MMEL1: variants seen among roughly 807,000 people sequenced by gnomAD.
The protein encoded by MMEL1 is membrane metalloendopeptidase like 1.
A neutral mutation model predicts 117.1 loss-of-function variants in MMEL1; 98 were observed. The observed-to-expected ratio is 0.84, with a 90% CI of 0.71 to 0.99. The LOEUF (loss-of-function observed/expected upper bound fraction) is 0.99. Among genes scored for constraint, MMEL1 ranks in the 50% least tolerant of loss-of-function variants. The pLI is 0.00. For missense variants in MMEL1, 1,014 were observed against 1,049.1 expected (o/e 0.97, Z 0.46); for synonymous variants, 390 against 415.1 (o/e 0.94, Z 0.74).
Position 2,594,791 on chromosome 1 carries a change from G to A in MMEL1, c.1687C>T (p.Leu563Phe). Residue 563 changes from leucine (L) to phenylalanine (F), a missense_variant and splice_region_variant, in exon 17 of 24, where the codon CTC (leucine) becomes TTC (phenylalanine). Leu to Phe is a conservative substitution (Grantham distance 22, BLOSUM62 0). Coordinates refer to ENST00000378412, the MANE Select transcript of MMEL1 (RefSeq NM_033467.4). Reference sequence around the variant, plus strand: ...TGCCGCACCAGCGATGCCACTCACAGATTTGGGTCCACCTTTTCCCGAAGC... The same window carrying A: ...TGCCGCACCAGCGATGCCACTCACAAATTTGGGTCCACCTTTTCCCGAAGC... ...RKLREKVDPNLWIIGAAVVNA... is the reference protein window; with the variant it reads ...RKLREKVDPNFWIIGAAVVNA... 6.2e-7 allele frequency: 1 copy of A among 1,612,908 alleles called. No homozygotes were observed. Among genetic ancestry groups the A allele is most frequent in the Non-Finnish European group, 8.5e-7 (1 of 1,179,256 alleles).
chr1:2,617,771 A>G (rs1255871115), intron 2 of MMEL1, among the ~76,000 whole-genome samples: 1 of 152,158 alleles, frequency 6.6e-6, no homozygotes, highest in African/African-American at 2.4e-5. Flanking sequence ...AAGCAAAAAC[A>G]GTGAGACCCT....
Position 2,604,135 on chromosome 1 carries a change from C to CCCCCCCCAAAAAATG in MMEL1, c.951+11_951+12insCATTTTTTGGGGGGG. The CCCCCCCCAAAAAATG allele has an allele frequency of 6.6e-7, 1 of 1,520,160 alleles. No homozygotes were observed. The highest frequency in any genetic ancestry group is 9.1e-7 in the Non-Finnish European group (1 of 1,100,352). The allele number at this position is 1,520,160 out of a possible 1,614,324, so 94.2% of individuals were successfully genotyped here. A position where few individuals can be genotyped will look rare whatever the true frequency, so the allele number is the denominator to read the frequency against. On this transcript the variant is annotated intron_variant, in intron 10 of 23. Transcript: ENST00000378412. ...CTCGCTGCCCGCTCCCCACCCGCCC[C>CCCCCCCCAAAAAATG]GGCCCCCTTACCTTGGCCAGCTGTG...
chr1:2,595,466 C>A lies in MMEL1; in HGVS notation c.1501-107G>T. ...TGTGGGAGGGGTCAGCCCGGGGCATCCTGGCTGTGCTCTCCCTGTCCTGTG... is the reference window on the plus strand; with the variant it reads ...TGTGGGAGGGGTCAGCCCGGGGCATACTGGCTGTGCTCTCCCTGTCCTGTG... On this transcript the variant is annotated intron_variant, in intron 15 of 23. Transcript: ENST00000378412. The surrounding 1 kb of genome is among the most constrained non-coding windows in gnomAD (Gnocchi z 4.8). 1.1e-6 allele frequency: 1 copy of A among 897,184 alleles called. No individual in the cohort carries two copies. Among genetic ancestry groups the A allele is most frequent in the Non-Finnish European group, 1.8e-6 (1 of 550,668 alleles). The allele number at this position is 897,184 out of a possible 1,614,324, so 55.6% of individuals were successfully genotyped here. A position where few individuals can be genotyped will look rare whatever the true frequency, so the allele number is the denominator to read the frequency against.
At chr1:2,594,047 C>T (rs1412392692) in intron 18 of MMEL1, 114 bp from the exon 19 acceptor site, 2 of 1,355,774 alleles carry the variant, frequency 1.5e-6, no homozygotes, top group Admixed American at 2.7e-5. Flanking sequence ...GACCGGGAGG[C>T]AGAGGTCAGG....
chr1:2,601,551 C>A (rs1381991923), intron 11 of MMEL1, among the ~76,000 whole-genome samples: 1 of 152,190 alleles, frequency 6.6e-6, no homozygotes, highest in East Asian at 1.9e-4. Flanking sequence ...GAGATCTGCA[C>A]ACATTTGCTA....
intron 7 of MMEL1, among the ~76,000 whole-genome samples, chr1:2,606,679 C>T (rs1255847941): frequency 6.6e-6 from 1 of 152,042 alleles, no homozygotes; most frequent in African/African-American, 2.4e-5. Flanking sequence ...GGGGCCAGGG[C>T]CTGGCCGGAG....
intron 2 of MMEL1, among the ~76,000 whole-genome samples, chr1:2,618,052 T>A (rs1645232485): frequency 6.6e-6 from 1 of 152,262 alleles, no homozygotes. Context: ...TTTGTTTTCC[T>A]AAAGTTTTCC....
At chr1:2,611,496 G>A (rs1645128195) in intron 3 of MMEL1, 156 bp from the exon 4 acceptor site, 1 of 511,410 alleles carries the variant, frequency 2.0e-6, no homozygotes, top group Non-Finnish European at 3.4e-6. Context: ...AGCATGGGCT[G>A]AAGCCAGTAG....
chr1:2,624,999 C>T (rs1235198355), intron 2 of MMEL1, among the ~76,000 whole-genome samples: 1 of 152,178 alleles, frequency 6.6e-6, no homozygotes, highest in Non-Finnish European at 1.5e-5. Flanking sequence ...AACTCACTCA[C>T]TATCACGAGA....
chr1:2,632,780 G>A (rs1638651876), intron 1 of MMEL1, 86 bp downstream of exon 1: 1 of 841,522 alleles, frequency 1.2e-6, no homozygotes, highest in Non-Finnish European at 1.4e-6. Context: ...AGCGCCTGGA[G>A]AGGGTTTCAA....
intron 2 of MMEL1, among the ~76,000 whole-genome samples, chr1:2,621,782 G>A (rs4648656): frequency 3.0e-4 from 45 of 152,216 alleles, no homozygotes; most frequent in African/African-American, 9.2e-4. Flanking sequence ...GGCTGATCTC[G>A]AGCTCCCGAC....
intron 7 of MMEL1, 125 bp from the exon 8 acceptor site, chr1:2,606,491 C>G: frequency 1.5e-6 from 1 of 672,360 alleles, no homozygotes; most frequent in Non-Finnish European, 2.5e-6. Flanking sequence ...CTCACCTGTG[C>G]GCCTTAGGGG....
chr1:2,626,657 G>A (rs1284922396), intron 2 of MMEL1, among the ~76,000 whole-genome samples: 2 of 152,218 alleles, frequency 1.3e-5, no homozygotes, highest in Admixed American at 1.3e-4. Flanking sequence ...TAGAATTCTA[G>A]GATGGACATG....
At chr1:2,596,173 C>G in intron 14 of MMEL1, 66 bp from the exon 15 acceptor site, 1 of 1,452,414 alleles carries the variant, frequency 6.9e-7, no homozygotes, top group Non-Finnish European at 9.6e-7. Context: ...GCCTCAAGGG[C>G]TTTGGGGAGG....
chr1:2,604,133 C>T lies in MMEL1; in HGVS notation c.951+14G>A. ...CACTCGCTGCCCGCTCCCCACCCGC[C>T]CCGGCCCCCTTACCTTGGCCAGCTG... On this transcript the variant is annotated intron_variant, in intron 10 of 23. Transcript: ENST00000378412. 1 of 1,553,768 alleles carries T rather than the reference C, an allele frequency of 6.4e-7. No individual in the cohort carries two copies. The highest frequency in any genetic ancestry group is 8.8e-7 in the Non-Finnish European group (1 of 1,130,786).
intron 11 of MMEL1, among the ~76,000 whole-genome samples, chr1:2,599,424 T>C (rs538548050): frequency 1.3e-5 from 2 of 152,352 alleles, no homozygotes; most frequent in Non-Finnish European, 2.9e-5. Context: ...ACAAGTTTGG[T>C]GTAACATTTG....
chr1:2,601,108 GATT>G (rs1165581961), intron 11 of MMEL1, among the ~76,000 whole-genome samples: 1 of 152,210 alleles, frequency 6.6e-6, no homozygotes, highest in Non-Finnish European at 1.5e-5. Flanking sequence ...ATGGAAGGCA[GATT>G]TTAAGTTTTA....
intron 2 of MMEL1, among the ~76,000 whole-genome samples, chr1:2,617,234 C>T (rs951612669): frequency 7.9e-5 from 12 of 151,658 alleles, no homozygotes; most frequent in East Asian, 5.8e-4. Flanking sequence ...GAGACCATCC[C>T]GGCTAACACG....
In MMEL1 at chr1:2,609,364, C is replaced by T. The variant is rs368553982; in HGVS notation, c.510G>A (p.Thr170=). Reference sequence around the variant, plus strand: ...TCTGGTTCATGCAGGAGCGGTACAGCGTCCTGGCCTTCTCCACAGCCGGCC... The same window carrying T: ...TCTGGTTCATGCAGGAGCGGTACAGTGTCCTGGCCTTCTCCACAGCCGGCC... ...KDRPAVEKAR[T]LYRSCMNQSV... The change falls in exon 6 of 24, where the codon ACG becomes ACA. Residue 170 remains threonine, a synonymous_variant. Transcript: ENST00000378412. 6.5e-5 allele frequency: 105 copies of T among 1,611,838 alleles called. 1 individual carries two copies. Among genetic ancestry groups the T allele is most frequent in the Non-Finnish European group, 8.7e-5 (103 of 1,179,480 alleles).
Sources: gnomAD v4.1 joint callset for allele counts (sites outside exome capture counted in the v4.1 genomes callset) on GRCh38, gnomAD v4.1.1 for gene constraint, Gnocchi (gnomAD v3.1) non-coding constraint, MANE v1.5 for transcripts, NCBI Gene and HGNC (gene_info 2026-07-23, HGNC 2026-07-21) for gene names.